The following RYR3 variants were observed in gnomAD, a reference collection of about 807,000 sequenced individuals.
The protein encoded by RYR3 is brain ryanodine receptor-calcium release channel.
Under a neutral mutation model 584.3 loss-of-function variants are expected in RYR3, and 207 were observed. The observed-to-expected ratio is 0.35, with a 90% CI of 0.32 to 0.40. The LOEUF (loss-of-function observed/expected upper bound fraction) is 0.40. Among genes scored for constraint, RYR3 ranks in the 10% least tolerant of loss-of-function variants. RYR3 has a pLI of 1.00. For missense variants in RYR3, 5,616 were observed against 6,089.2 expected (o/e 0.92, Z 2.59); for synonymous variants, 2,416 against 2,248.5 (o/e 1.07, Z -2.11).
intron 86 of RYR3, among the ~76,000 whole-genome samples, chr15:33,832,795 A>G (rs144151614): frequency 1.3e-5 from 2 of 152,062 alleles, no homozygotes; most frequent in East Asian, 3.9e-4. Context: ...GGATCACCTG[A>G]GGTCAGAAGT....
intron 18 of RYR3, among the ~76,000 whole-genome samples, chr15:33,609,703 GA>G (rs897890455): frequency 9.3e-4 from 142 of 152,022 alleles, no homozygotes; most frequent in African/African-American, 3.2e-3. Flanking sequence ...TTAAACTAAT[GA>G]AAAAAAATTG....
At chr15:33,628,161 C>T (rs1035321506) in intron 20 of RYR3, among the ~76,000 whole-genome samples, 3 of 152,164 alleles carry the variant, frequency 2.0e-5, no homozygotes, top group African/African-American at 4.8e-5. Context: ...TGGGAGTGAT[C>T]ATCTACTGGG....
intron 1 of RYR3, among the ~76,000 whole-genome samples, chr15:33,429,098 G>T (rs980543373): frequency 6.6e-6 from 1 of 152,114 alleles, no homozygotes; most frequent in Non-Finnish European, 1.5e-5. Context: ...TCTCCTGCTC[G>T]CATCCTTCGT....
intron 92 of RYR3, among the ~76,000 whole-genome samples, chr15:33,844,036 G>C (rs1476924679): frequency 6.6e-6 from 1 of 152,230 alleles, no homozygotes. Flanking sequence ...ACATTGGCAA[G>C]TGGGTCTTGC....
rs1421277513 is a variant in RYR3 at position 33,660,281 on chromosome 15, A to T, written c.4480A>T (p.Thr1494Ser). 6.4e-7 allele frequency: 1 copy of T among 1,561,556 alleles called. No homozygotes were observed. Among genetic ancestry groups the T allele is most frequent in the Non-Finnish European group, 8.7e-7 (1 of 1,152,904 alleles). Residue 1494 changes from threonine (T) to serine (S), a missense_variant, in exon 34 of 104, where the codon ACC (threonine) becomes TCC (serine). Coordinates refer to ENST00000634891, the MANE Select transcript of RYR3 (RefSeq NM_001036.6). ...GTGTCCACCTCGGCTGGACGTCCAAACCATCCAGCCCGTGCTCTGGAGCCG... is the reference window on the plus strand; with the variant it reads ...GTGTCCACCTCGGCTGGACGTCCAATCCATCCAGCCCGTGCTCTGGAGCCG... ...PQCPPRLDVQ[T>S]IQPVLWSRMP... is the part of the protein sequence containing the mutation.
intron 3 of RYR3, among the ~76,000 whole-genome samples, chr15:33,522,092 TA>T (rs36044198): frequency 1.6e-3 from 182 of 114,760 alleles, no homozygotes; most frequent in Middle Eastern, 4.4e-3. Flanking sequence ...CATCTCTACT[TA>T]AAAAAAAAAA....
chr15:33,794,385 A>G (rs1448551204), intron 67 of RYR3, among the ~76,000 whole-genome samples: 1 of 147,798 alleles, frequency 6.8e-6, no homozygotes, highest in African/African-American at 2.5e-5. Flanking sequence ...TTCCTTACCT[A>G]TCTATGGGAA....
At chr15:33,854,137 A>C (rs892570047) in intron 96 of RYR3, among the ~76,000 whole-genome samples, 1 of 151,330 alleles carries the variant, frequency 6.6e-6, no homozygotes, top group African/African-American at 2.4e-5. Flanking sequence ...TGGAGGTTGC[A>C]GTAAGCCAAG....
At position 33,826,700 on chromosome 15, in the gene RYR3, C is replaced by T. The variant is rs1243162995; in HGVS notation, c.11193C>T (p.Phe3731=). The T allele has an allele frequency of 1.9e-6, 3 of 1,613,910 alleles. No individual in the cohort carries two copies. The East Asian group carries it at 6.7e-5, about 36-fold the overall frequency. The change falls in exon 84 of 104, where the codon TTC becomes TTT. Residue 3731 remains phenylalanine (F), a synonymous_variant. Transcript: ENST00000634891. ...RGEKVLQNDE[F]TRDLFRFLQL... ...AAAAAGTACTCCAGAATGACGAGTT[C>T]ACGCGTGATCTCTTTAGATTCCTAC... is the stretch of plus-strand genomic sequence containing the variant.
intron 1 of RYR3, among the ~76,000 whole-genome samples, chr15:33,362,871 G>A (rs1784250618): frequency 6.6e-6 from 1 of 152,024 alleles, no homozygotes; most frequent in African/African-American, 2.4e-5. Context: ...AAATCTCAGG[G>A]GGTTACCTGT....
At chr15:33,761,275 G>A (rs2152867695) in intron 60 of RYR3, among the ~76,000 whole-genome samples, 1 of 151,772 alleles carries the variant, frequency 6.6e-6, no homozygotes, top group Non-Finnish European at 1.5e-5. Context: ...GAAGGAGATA[G>A]AGACACGAAA....
intron 1 of RYR3, among the ~76,000 whole-genome samples, chr15:33,407,507 G>A (rs1165792879): frequency 6.6e-6 from 1 of 152,144 alleles, no homozygotes; most frequent in Non-Finnish European, 1.5e-5. Context: ...ATGAGGCCAT[G>A]GGAGCTGCCA....
intron 43 of RYR3, among the ~76,000 whole-genome samples, chr15:33,714,771 A>G (rs1168941844): frequency 6.6e-6 from 1 of 152,318 alleles, no homozygotes; most frequent in Middle Eastern, 3.4e-3. Flanking sequence ...TTGGACATCC[A>G]TCATGTGACA....
chr15:33,561,903 A>T (rs762560990), intron 10 of RYR3, among the ~76,000 whole-genome samples: 2 of 152,004 alleles, frequency 1.3e-5, no homozygotes, highest in Non-Finnish European at 2.9e-5. Context: ...TGGGCTCAAA[A>T]AGAAAAAAAA....
chr15:33,485,048 TA>T (rs2050294306), intron 2 of RYR3, among the ~76,000 whole-genome samples: 1 of 151,834 alleles, frequency 6.6e-6, no homozygotes, highest in Non-Finnish European at 1.5e-5. Flanking sequence ...AATGGAGAAA[TA>T]AACGATAAGA....
intron 38 of RYR3, among the ~76,000 whole-genome samples, chr15:33,689,616 T>G (rs919362887): frequency 6.6e-6 from 1 of 152,140 alleles, no homozygotes; most frequent in East Asian, 1.9e-4. Flanking sequence ...CTTCCCTGCT[T>G]CTTTAGTCTC....
At chr15:33,573,057 ATTG>A (rs1307515387) in intron 12 of RYR3, among the ~76,000 whole-genome samples, 2 of 152,150 alleles carry the variant, frequency 1.3e-5, no homozygotes, top group South Asian at 2.1e-4. Context: ...GAGTCCAGAG[ATTG>A]TTATTTTGAA....
At chr15:33,471,181 C>T (rs967394321) in intron 1 of RYR3, among the ~76,000 whole-genome samples, 1 of 152,174 alleles carries the variant, frequency 6.6e-6, no homozygotes, top group African/African-American at 2.4e-5. Flanking sequence ...GCTGCCACTC[C>T]AGGTGGTGTC....
At chr15:33,802,917 G>T (rs1043154662) in intron 69 of RYR3, among the ~76,000 whole-genome samples, 3 of 152,192 alleles carry the variant, frequency 2.0e-5, no homozygotes, top group African/African-American at 7.2e-5. Flanking sequence ...GTCAGCTCTG[G>T]AAAGATGAGA....
Sources: gnomAD v4.1 joint callset for allele counts (sites outside exome capture counted in the v4.1 genomes callset) on GRCh38, gnomAD v4.1.1 for gene constraint, MANE v1.5 for transcripts, NCBI Gene and HGNC (gene_info 2026-07-23, HGNC 2026-07-21) for gene names.